NPR3: variants seen among roughly 807,000 people sequenced by gnomAD.
The protein encoded by NPR3 is natriuretic peptide receptor 3.
In NPR3, 34 loss-of-function variants were observed where a neutral mutation model predicts 54.5. The observed-to-expected ratio is 0.62, with a 90% confidence interval of 0.47 to 0.83. NPR3 has a LOEUF of 0.83. Ranked by LOEUF, NPR3 falls within the 40% of genes least tolerant of loss-of-function variation. NPR3 has a pLI of 0.00. For missense variants in NPR3, 674 were observed against 720.8 expected (o/e 0.94, Z 0.74); for synonymous variants, 289 against 297.1 (o/e 0.97, Z 0.28).
intron 4 of NPR3, among the ~76,000 whole-genome samples, chr5:32,777,827 T>C (rs1282760337): frequency 1.3e-5 from 2 of 152,256 alleles, no homozygotes; most frequent in Middle Eastern, 3.4e-3. Flanking sequence ...ACTGCTTCAG[T>C]TGAGGAGCTA....
At chr5:32,695,629 A>G (rs576456492) in intron 1 of NPR3, among the ~76,000 whole-genome samples, 1 of 152,314 alleles carries the variant, frequency 6.6e-6, no homozygotes, top group Non-Finnish European at 1.5e-5. Context: ...TCTAGTTTAC[A>G]TTCCCACCAA....
chr5:32,785,807 G>A (rs189284389), intron 7 of NPR3, among the ~76,000 whole-genome samples: 405 of 152,366 alleles, frequency 2.7e-3, no homozygotes, highest in African/African-American at 9.4e-3. Context: ...TTATTCATAA[G>A]TCATTAGAGC....
At chr5:32,757,895 G>T (rs1267974939) in intron 3 of NPR3, among the ~76,000 whole-genome samples, 1 of 152,172 alleles carries the variant, frequency 6.6e-6, no homozygotes, top group Non-Finnish European at 1.5e-5. Context: ...TTATATGATG[G>T]ATTACGTTTA....
At chr5:32,704,481 A>C (rs1737934718), upstream of NPR3, among the ~76,000 whole-genome samples, 1 of 152,018 alleles carries the variant, frequency 6.6e-6, no homozygotes, top group Non-Finnish European at 1.5e-5. Context: ...TCTGTCTTCC[A>C]AATGATATCT....
chr5:32,734,359 A>T (rs925610352), intron 2 of NPR3, among the ~76,000 whole-genome samples: 1 of 152,148 alleles, frequency 6.6e-6, no homozygotes, highest in Non-Finnish European at 1.5e-5. Context: ...TATATTGAAA[A>T]TTTACTATGT....
At chr5:32,707,933 T>A (rs1738039902), upstream of NPR3, among the ~76,000 whole-genome samples, 1 of 151,442 alleles carries the variant, frequency 6.6e-6, no homozygotes, top group East Asian at 1.9e-4. Flanking sequence ...AATAAACCGT[T>A]GAATACTTTA....
At chr5:32,745,452 C>T (rs534492100) in intron 3 of NPR3, among the ~76,000 whole-genome samples, 217 of 152,292 alleles carry the variant, frequency 1.4e-3, no homozygotes, top group Middle Eastern at 0.014. Context: ...ATGAGCAGTT[C>T]CAATTCCAGA....
At chr5:32,777,801 T>A (rs557205982) in intron 4 of NPR3, among the ~76,000 whole-genome samples, 1 of 152,316 alleles carries the variant, frequency 6.6e-6, no homozygotes, top group East Asian at 1.9e-4. Flanking sequence ...TCCAGGATTA[T>A]CTTGTTTTAC....
At chr5:32,726,913 G>A (rs1463778597) in intron 2 of NPR3, among the ~76,000 whole-genome samples, 1 of 151,954 alleles carries the variant, frequency 6.6e-6, no homozygotes, top group African/African-American at 2.4e-5. Context: ...TTATGGTATG[G>A]CTACATGTTC....
At chr5:32,716,641 G>T in intron 1 of NPR3, 1 of 252,348 alleles carries the variant, frequency 4.0e-6, no homozygotes, top group South Asian at 4.6e-5. Flanking sequence ...ATATTTTTTA[G>T]TTAGTTCAGT....
At chr5:32,780,693 C>A (rs750588459) in intron 4 of NPR3, 29 bp from the exon 5 acceptor site, 11 of 999,800 alleles carry the variant, frequency 1.1e-5, no homozygotes, top group East Asian at 2.4e-5. Context: ...AAGTAACCAA[C>A]GTTGAGTTCT....
At position 32,776,356 on chromosome 5, in the gene NPR3, A is replaced by G. The variant is rs76016452; in HGVS notation, c.1195+1513A>G. Among the ~76,000 whole-genome samples, 583 of 152,286 alleles carry G rather than the reference A, an allele frequency of 3.8e-3. 1 individual carries two copies. Among genetic ancestry groups the G allele is most frequent in the Non-Finnish European group, 6.8e-3 (463 of 68,006 alleles). ...TAAAATTTTTTTTGCAATTTTTGCT[A>G]TTATGCAATATGCTATCACAAGCCT... On this transcript the variant is annotated intron_variant, in intron 4 of 7. Transcript: ENST00000265074.
intron 2 of NPR3, among the ~76,000 whole-genome samples, chr5:32,732,839 A>G (rs1427299195): frequency 6.6e-6 from 1 of 151,828 alleles, no homozygotes; most frequent in Non-Finnish European, 1.5e-5. Context: ...TTACTATTTT[A>G]TTTTATTTTA....
At chr5:32,699,547 T>C (rs141611501) in intron 1 of NPR3, among the ~76,000 whole-genome samples, 211 of 152,288 alleles carry the variant, frequency 1.4e-3, no homozygotes, top group African/African-American at 4.8e-3. Context: ...CCACTTATGA[T>C]TGAGAACATG....
Position 32,791,558 on chromosome 5 carries a change from A to G in NPR3, c.*5213A>G, listed in dbSNP as rs1181250718. 6.0e-6 allele frequency: 1 copy of G among 167,072 alleles called. No homozygotes were observed. Among genetic ancestry groups the G allele is most frequent in the East Asian group, 1.9e-4 (1 of 5,208 alleles). 10.3% of individuals were successfully genotyped at this position (167,072 alleles called of 1,614,324 possible). ...GTGGATATAACCCATGTTTTGTATAATATATTTTATTTCTTGTGCGAACTG... is the reference window on the plus strand; with the variant it reads ...GTGGATATAACCCATGTTTTGTATAGTATATTTTATTTCTTGTGCGAACTG... On this transcript the variant is annotated 3_prime_UTR_variant, in exon 8 of 8. Coordinates refer to ENST00000265074, the MANE Select transcript of NPR3 (RefSeq NM_001204375.2).
intron 4 of NPR3, among the ~76,000 whole-genome samples, chr5:32,775,344 G>A (rs1741989177): frequency 6.6e-6 from 1 of 151,336 alleles, no homozygotes; most frequent in Non-Finnish European, 1.5e-5. Flanking sequence ...GCCCAGGCTG[G>A]AGTTCAGTGG....
chr5:32,789,759 A>C lies in NPR3; in HGVS notation c.*3414A>C, dbSNP rs752609622. ...TGCAGTCAACAATGAGATGAAGGCC[A>C]TTGCATAGATCTCATGCAGATAGTG... On this transcript the variant is annotated 3_prime_UTR_variant, in exon 8 of 8. Transcript: ENST00000265074. 1 of 532,864 alleles carries C rather than the reference A, an allele frequency of 1.9e-6. No homozygotes were observed. Among genetic ancestry groups the C allele is most frequent in the Non-Finnish European group, 3.9e-6 (1 of 259,142 alleles). 33.0% of individuals were successfully genotyped at this position (532,864 alleles called of 1,614,324 possible). A position where few individuals can be genotyped will look rare whatever the true frequency, so the allele number is the denominator to read the frequency against.
At chr5:32,767,681 C>T (rs1452254158) in intron 3 of NPR3, among the ~76,000 whole-genome samples, 1 of 151,886 alleles carries the variant, frequency 6.6e-6, no homozygotes, top group Admixed American at 6.6e-5. Context: ...TAGCTTAGTC[C>T]TCACCACACC....
At chr5:32,766,958 G>A (rs1360298959) in intron 3 of NPR3, among the ~76,000 whole-genome samples, 3 of 152,302 alleles carry the variant, frequency 2.0e-5, no homozygotes, top group South Asian at 2.1e-4. Context: ...GTTGTCTTAC[G>A]TACTGTTTTG....
Sources: allele counts gnomAD v4.1 joint callset (sites outside exome capture counted in the v4.1 genomes callset), GRCh38; gene constraint gnomAD v4.1.1; transcripts MANE v1.5; gene names NCBI Gene and HGNC (gene_info 2026-07-23, HGNC 2026-07-21).